Variants in NBEA observed in about 807,000 individuals in gnomAD.
NBEA encodes the protein neurobeachin, also known as lysosomal-trafficking regulator 2.
NBEA carries 44 observed loss-of-function variants against 343.4 expected under a neutral mutation model. The observed-to-expected ratio is 0.13, with a 90% confidence interval of 0.10 to 0.16. NBEA has a LOEUF of 0.16. NBEA is among the 10% of genes least tolerant of loss of function. The pLI, the probability that NBEA is intolerant of heterozygous loss-of-function variation, is 1.00. For missense variants in NBEA, 2,555 were observed against 3,631.3 expected, an observed-to-expected ratio of 0.70 and a Z score of 7.62; for synonymous variants, 1,175 against 1,238.7, an observed-to-expected ratio of 0.95 and a Z score of 1.08.
intron 34 of NBEA, among the ~76,000 whole-genome samples, chr13:35,269,096 A>G (rs1347714033): frequency 6.6e-6 from 1 of 152,140 alleles, no homozygotes; most frequent in Non-Finnish European, 1.5e-5. Context: ...AGTACAAGAA[A>G]TGGTTTCTGT....
intron 41 of NBEA, among the ~76,000 whole-genome samples, chr13:35,515,635 C>A (rs1007515746): frequency 6.6e-6 from 1 of 152,032 alleles, no homozygotes; most frequent in Admixed American, 6.5e-5. Context: ...TTTCAAAATC[C>A]ATTATATTAT....
At chr13:35,262,667 G>A (rs2033312506) in intron 34 of NBEA, among the ~76,000 whole-genome samples, 1 of 152,186 alleles carries the variant, frequency 6.6e-6, no homozygotes, top group Admixed American at 6.5e-5. Context: ...GTGGCCAGGA[G>A]TTATGGGTGA....
chr13:35,431,829 A>G (rs1484500375), intron 38 of NBEA, among the ~76,000 whole-genome samples: 2 of 152,152 alleles, frequency 1.3e-5, no homozygotes, highest in African/African-American at 4.8e-5. Flanking sequence ...AATTCAGCCT[A>G]CTAAGAAACC....
chr13:35,173,313 A>T, intron 26 of NBEA, 151 bp from the exon 27 acceptor site: 1 of 651,360 alleles, frequency 1.5e-6, no homozygotes, highest in Non-Finnish European at 2.4e-6. Flanking sequence ...TGTATTTCAT[A>T]ATTTTGAAAA....
intron 55 of NBEA, among the ~76,000 whole-genome samples, chr13:35,663,215 T>C (rs1051837581): frequency 1.3e-5 from 2 of 152,236 alleles, no homozygotes; most frequent in Admixed American, 1.3e-4. Flanking sequence ...ATTTTATTCC[T>C]TCTGCCTAAC....
At chr13:35,397,409 T>G (rs914186015) in intron 38 of NBEA, among the ~76,000 whole-genome samples, 2 of 152,208 alleles carry the variant, frequency 1.3e-5, no homozygotes, top group African/African-American at 4.8e-5. Context: ...TCCATCTCTA[T>G]CTCATGACTA....
intron 17 of NBEA, among the ~76,000 whole-genome samples, chr13:35,133,642 A>C (rs2067551621): frequency 6.6e-6 from 1 of 152,096 alleles, no homozygotes; most frequent in African/African-American, 2.4e-5. Flanking sequence ...TGAATGAAGT[A>C]AAGTTACCTT....
intron 40 of NBEA, among the ~76,000 whole-genome samples, chr13:35,467,284 C>T (rs1035466907): frequency 6.6e-6 from 1 of 151,966 alleles, no homozygotes; most frequent in African/African-American, 2.4e-5. Context: ...CCAGCCTGGC[C>T]AACATGGTGA....
intron 11 of NBEA, among the ~76,000 whole-genome samples, chr13:35,100,928 A>G (rs145599986): frequency 6.6e-6 from 1 of 152,088 alleles, no homozygotes; most frequent in African/African-American, 2.4e-5. Context: ...CTTATTCTAA[A>G]TATTTCACAT....
chr13:35,651,878 TATGTTAATAAAAAAGAATA>T lies in NBEA; in HGVS notation c.8035+4_8035+22del. On this transcript the variant is annotated splice_donor_5th_base_variant and intron_variant, in intron 53 of 58. Transcript: ENST00000379939. ...CCATTGAAATGGATCCATTAATAGG[TATGTTAATAAAAAAGAATA>T]AATTTTCATGGATACTATCCATATA... The T allele has an allele frequency of 2.7e-6, 4 of 1,505,824 alleles. No homozygotes were observed. The highest frequency in any genetic ancestry group is 3.6e-6 in the Non-Finnish European group (4 of 1,105,536). The allele number at this position is 1,505,824 out of a possible 1,614,324, so 93.3% of individuals were successfully genotyped here.
chr13:35,609,139 T>C (rs911682588), intron 48 of NBEA, among the ~76,000 whole-genome samples: 1 of 152,190 alleles, frequency 6.6e-6, no homozygotes, highest in Non-Finnish European at 1.5e-5. Context: ...TAAAGAAAAA[T>C]AGAGTGGTTA....
chr13:35,350,467 C>T (rs1255685978), intron 37 of NBEA, among the ~76,000 whole-genome samples: 2 of 151,906 alleles, frequency 1.3e-5, no homozygotes, highest in Non-Finnish European at 2.9e-5. Context: ...ACTGAAATAA[C>T]AATATTTTTA....
intron 34 of NBEA, among the ~76,000 whole-genome samples, chr13:35,235,054 A>G (rs1212150730): frequency 6.6e-6 from 1 of 152,158 alleles, no homozygotes; most frequent in Non-Finnish European, 1.5e-5. Flanking sequence ...AACATTACAA[A>G]TATTATATCA....
At chr13:35,199,555 C>T (rs1358410096) in intron 31 of NBEA, among the ~76,000 whole-genome samples, 2 of 152,028 alleles carry the variant, frequency 1.3e-5, no homozygotes, top group Admixed American at 6.6e-5. Flanking sequence ...TTTTGTTAAC[C>T]AGTTGTTTAT....
intron 52 of NBEA, 84 bp downstream of exon 52, chr13:35,649,931 G>T: frequency 8.7e-7 from 1 of 1,154,018 alleles, no homozygotes; most frequent in South Asian, 1.4e-5. Context: ...ACTGGGATTA[G>T]CTCATATCCC....
chr13:35,010,617 T>G (rs2061451931), intron 1 of NBEA, among the ~76,000 whole-genome samples: 1 of 145,894 alleles, frequency 6.9e-6, no homozygotes, highest in African/African-American at 2.5e-5. Context: ...GCATGGTGGC[T>G]CGTGCCTGTA....
At chr13:35,087,087 TCAAACA>T (rs1239468735) in intron 10 of NBEA, among the ~76,000 whole-genome samples, 3 of 151,860 alleles carry the variant, frequency 2.0e-5, no homozygotes, top group Admixed American at 1.3e-4. Flanking sequence ...TTTCTCCAGT[TCAAACA>T]CAAATTGTCT....
intron 11 of NBEA, among the ~76,000 whole-genome samples, chr13:35,101,066 A>G (rs1229967358): frequency 6.6e-6 from 1 of 151,358 alleles, no homozygotes; most frequent in African/African-American, 2.4e-5. Flanking sequence ...ATAGTATTCC[A>G]TTAGATGTAT....
chr13:35,045,942 C>T (rs143552734), intron 4 of NBEA, among the ~76,000 whole-genome samples: 4,136 of 151,844 alleles, frequency 0.027, 82 homozygotes, highest in South Asian at 0.074. Context: ...GGCCAGGCTG[C>T]TCTCAAACTC....
Sources: allele counts gnomAD v4.1 joint callset (sites outside exome capture counted in the v4.1 genomes callset), GRCh38; gene constraint gnomAD v4.1.1; transcripts MANE v1.5; gene names NCBI Gene and HGNC (gene_info 2026-07-23, HGNC 2026-07-21).